The following IFTAP variants were observed in gnomAD, a reference collection of about 807,000 sequenced individuals.
IFTAP encodes intraflagellar transport associated protein.
In IFTAP, 19 loss-of-function variants were observed where a neutral mutation model predicts 19.4. The observed-to-expected ratio is 0.98, with a 90% CI of 0.68 to 1.44. The LOEUF (loss-of-function observed/expected upper bound fraction) is 1.44. IFTAP is among the 40% of genes most tolerant of loss of function. The probability of loss-of-function intolerance (pLI) is 0.00; values close to 1 mark genes in which losing one functional copy is unlikely to be tolerated. For missense variants in IFTAP, 240 were observed against 253.6 expected (o/e 0.95, Z 0.36); for synonymous variants, 85 against 83.5 (o/e 1.02, Z -0.10).
At chr11:36,644,996 A>G (rs1289807597) in intron 4 of IFTAP, among the ~76,000 whole-genome samples, 3 of 81,238 alleles carry the variant, frequency 3.7e-5, no homozygotes, top group Non-Finnish European at 7.0e-5. Flanking sequence ...TTTAAAGTAT[A>G]ATAATAATAA....
intron 2 of IFTAP, among the ~76,000 whole-genome samples, chr11:36,628,161 C>T (rs1228955174): frequency 1.3e-5 from 2 of 151,004 alleles, no homozygotes; most frequent in Non-Finnish European, 2.9e-5. Flanking sequence ...GAGCACAGCT[C>T]TAATTGTGAC....
At chr11:36,606,698 A>G (rs947793162) in intron 1 of IFTAP, among the ~76,000 whole-genome samples, 3 of 152,246 alleles carry the variant, frequency 2.0e-5, no homozygotes, top group African/African-American at 7.2e-5. Flanking sequence ...AATGGAAACC[A>G]CAACCTGGCT....
intron 2 of IFTAP, among the ~76,000 whole-genome samples, chr11:36,630,864 C>A (rs913149180): frequency 2.6e-5 from 4 of 151,310 alleles, no homozygotes; most frequent in Admixed American, 2.6e-4. Flanking sequence ...TGGCAGTAGC[C>A]ACAGGAAGTC....
intron 1 of IFTAP, among the ~76,000 whole-genome samples, chr11:36,607,289 G>A (rs138291880): frequency 2.0e-5 from 3 of 152,202 alleles, no homozygotes; most frequent in Admixed American, 6.5e-5. Flanking sequence ...ATGCGTACTC[G>A]TTTAATTTTC....
intron 1 of IFTAP, among the ~76,000 whole-genome samples, chr11:36,601,887 A>C (rs183899408): frequency 2.0e-5 from 3 of 152,326 alleles, no homozygotes; most frequent in Admixed American, 6.5e-5. Context: ...TACTGGGCTA[A>C]AGTGATCCCC....
At chr11:36,651,710 A>G (rs1052920328) in intron 5 of IFTAP, among the ~76,000 whole-genome samples, 9 of 152,188 alleles carry the variant, frequency 5.9e-5, no homozygotes, top group South Asian at 2.1e-4. Context: ...TCTTTAATCC[A>G]TCTTGAATTA....
intron 2 of IFTAP, among the ~76,000 whole-genome samples, chr11:36,614,417 C>T (rs1271068822): frequency 1.3e-5 from 2 of 148,926 alleles, no homozygotes; most frequent in South Asian, 4.3e-4. Flanking sequence ...GATTTATAGT[C>T]CTTTGGGTAT....
chr11:36,624,663 T>A (rs1165011994), intron 2 of IFTAP, among the ~76,000 whole-genome samples: 1 of 152,228 alleles, frequency 6.6e-6, no homozygotes, highest in Non-Finnish European at 1.5e-5. Context: ...GTAGCTGAAA[T>A]CAGCCTTAGC....
At chr11:36,598,407 A>G (rs1013515837) in intron 1 of IFTAP, 1 of 152,224 alleles carries the variant, frequency 6.6e-6, no homozygotes, top group African/African-American at 2.4e-5. Flanking sequence ...CACTATTTGT[A>G]CAGATAAAAA....
intron 1 of IFTAP, among the ~76,000 whole-genome samples, chr11:36,595,503 A>C (rs116482064): frequency 6.6e-6 from 1 of 152,210 alleles, no homozygotes; most frequent in Non-Finnish European, 1.5e-5. Context: ...TTAAGAGTTA[A>C]TTCTTAATAT....
intron 1 of IFTAP, among the ~76,000 whole-genome samples, chr11:36,609,527 G>A (rs531044547): frequency 6.6e-6 from 1 of 152,226 alleles, no homozygotes; most frequent in South Asian, 2.1e-4. Context: ...AGTAGGGAAG[G>A]GGGGGAGTGG....
chr11:36,596,654 TG>T (rs1170446731), intron 1 of IFTAP, among the ~76,000 whole-genome samples: 1 of 152,130 alleles, frequency 6.6e-6, no homozygotes, highest in Non-Finnish European at 1.5e-5. Flanking sequence ...CCATTTTGGG[TG>T]GGGGGAACAC....
At chr11:36,650,825 G>A (rs942968490) in intron 5 of IFTAP, among the ~76,000 whole-genome samples, 4 of 151,876 alleles carry the variant, frequency 2.6e-5, no homozygotes, top group East Asian at 1.9e-4. Flanking sequence ...TTGTCCTTGC[G>A]ATAGTTTGCT....
chr11:36,598,883 A>C (rs1310178032), intron 1 of IFTAP, among the ~76,000 whole-genome samples: 1 of 152,232 alleles, frequency 6.6e-6, no homozygotes, highest in Non-Finnish European at 1.5e-5. Flanking sequence ...TATTTACTTC[A>C]AAAAGTTGTC....
chr11:36,606,765 G>C (rs916915999), intron 1 of IFTAP, among the ~76,000 whole-genome samples: 2 of 152,200 alleles, frequency 1.3e-5, no homozygotes, highest in African/African-American at 4.8e-5. Context: ...TTAAAGAAGA[G>C]ATTGATAAAA....
At chr11:36,617,531 A>C (rs913241822) in intron 2 of IFTAP, among the ~76,000 whole-genome samples, 2 of 151,916 alleles carry the variant, frequency 1.3e-5, no homozygotes, top group Non-Finnish European at 2.9e-5. Context: ...ATGTACCACT[A>C]GTTTTGAGAA....
intron 2 of IFTAP, among the ~76,000 whole-genome samples, chr11:36,628,820 A>C (rs1282997740): frequency 6.6e-6 from 1 of 151,196 alleles, no homozygotes; most frequent in Admixed American, 6.6e-5. Flanking sequence ...AGGGTTGTGC[A>C]TTTGTGCCTT....
intron 2 of IFTAP, among the ~76,000 whole-genome samples, chr11:36,631,318 A>C (rs182762075): frequency 6.6e-6 from 1 of 151,398 alleles, no homozygotes; most frequent in Non-Finnish European, 1.5e-5. Context: ...TTATTTATGG[A>C]TGTGAACTTT....
intron 2 of IFTAP, among the ~76,000 whole-genome samples, chr11:36,631,995 C>T (rs1565020635): frequency 1.3e-5 from 2 of 151,116 alleles, no homozygotes; most frequent in Non-Finnish European, 2.9e-5. Flanking sequence ...CTTTTCTTTT[C>T]ATTTACTGCA....
Sources: allele counts gnomAD v4.1 joint callset (sites outside exome capture counted in the v4.1 genomes callset), GRCh38; gene constraint gnomAD v4.1.1; transcripts MANE v1.5; gene names NCBI Gene and HGNC (gene_info 2026-07-23, HGNC 2026-07-21).